The following MIA2 variants were observed in gnomAD, a reference collection of about 807,000 sequenced individuals.
The protein encoded by MIA2 is melanoma inhibitory activity protein 2.
MIA2 carries 127 observed loss-of-function variants against 167.8 expected under a neutral mutation model. That is an observed-to-expected ratio of 0.76 (90% CI 0.66 to 0.88). MIA2 has a LOEUF of 0.88. Among genes scored for constraint, MIA2 ranks in the 40% least tolerant of loss-of-function variants. The probability of loss-of-function intolerance (pLI) is 0.00; values close to 1 mark genes in which losing one functional copy is unlikely to be tolerated. For missense variants in MIA2, 1,690 were observed against 1,624.7 expected (o/e 1.04, Z -0.69); for synonymous variants, 552 against 541.9 (o/e 1.02, Z -0.26).
intron 9 of MIA2, among the ~76,000 whole-genome samples, chr14:39,286,337 C>T (rs986030073): frequency 6.6e-6 from 1 of 151,850 alleles, no homozygotes; most frequent in Admixed American, 6.6e-5. Flanking sequence ...TGCAGGCACT[C>T]GGCAGGCTGA....
At chr14:39,285,400 G>A (rs1186080528) in intron 9 of MIA2, among the ~76,000 whole-genome samples, 2 of 147,094 alleles carry the variant, frequency 1.4e-5, no homozygotes, top group Non-Finnish European at 1.5e-5. Context: ...CTCCCTCCCG[G>A]AAGGGGCGGC....
chr14:39,263,718 G>A (rs776205096), intron 6 of MIA2, among the ~76,000 whole-genome samples: 2 of 149,362 alleles, frequency 1.3e-5, no homozygotes, highest in Admixed American at 6.7e-5. Flanking sequence ...TGCAATCTCG[G>A]CCTCCTGGGT....
chr14:39,367,071 G>A (rs1309852202), intron 23 of MIA2, among the ~76,000 whole-genome samples: 2 of 152,178 alleles, frequency 1.3e-5, no homozygotes, highest in African/African-American at 4.8e-5. Flanking sequence ...GCTGATGGAG[G>A]CAGGGTTTTT....
chr14:39,377,452 G>C (rs566139824), intron 23 of MIA2, among the ~76,000 whole-genome samples: 2 of 152,016 alleles, frequency 1.3e-5, no homozygotes, highest in East Asian at 1.9e-4. Context: ...TGGAAAAAAA[G>C]AAGGAAAAGA....
intron 9 of MIA2, among the ~76,000 whole-genome samples, chr14:39,281,247 T>C (rs764545324): frequency 3.9e-5 from 6 of 152,198 alleles, no homozygotes; most frequent in Admixed American, 1.3e-4. Context: ...TGAAACACTC[T>C]TGATTGTTAC....
At chr14:39,264,765 G>T (rs963223239) in intron 6 of MIA2, among the ~76,000 whole-genome samples, 1 of 152,144 alleles carries the variant, frequency 6.6e-6, no homozygotes, top group Admixed American at 6.6e-5. Context: ...TAATTAAAAG[G>T]GAGTAACTAG....
chr14:39,248,544 T>C (rs2152629588), intron 4 of MIA2, among the ~76,000 whole-genome samples: 1 of 152,094 alleles, frequency 6.6e-6, no homozygotes, highest in Non-Finnish European at 1.5e-5. Flanking sequence ...TTTAAAGCAG[T>C]ATCTTTTTAG....
At position 39,267,439 on chromosome 14, in the gene MIA2, C is replaced by T. The variant is rs1422206900; in HGVS notation, c.1888-9495C>T. The T allele has an allele frequency of 3.1e-6, 5 of 1,611,358 alleles. No homozygotes were observed. The East Asian group carries it at 6.7e-5, about 22-fold the overall frequency. ...GACAGGCCGGGGTTACTGTGGCGACCACGAGAGCAGCTTTGGCGCTATGGA... is the reference window on the plus strand; with the variant it reads ...GACAGGCCGGGGTTACTGTGGCGACTACGAGAGCAGCTTTGGCGCTATGGA... On this transcript the variant is annotated intron_variant, in intron 6 of 28. Coordinates refer to ENST00000640607, the MANE Select transcript of MIA2 (RefSeq NM_001329214.4).
chr14:39,288,909 GGTTT>G lies in MIA2; in HGVS notation c.2131-2097_2131-2094del, dbSNP rs543149467. The stretch of plus-strand genomic sequence containing the variant: ...TGTTCATCAGAGATATTGACCTGTA[GGTTT>G]GTTTGTTTGTTTATTTATTTATTTT... On this transcript the variant is annotated intron_variant, in intron 9 of 28. Coordinates refer to ENST00000640607, the MANE Select transcript of MIA2 (RefSeq NM_001329214.4). Among the ~76,000 whole-genome samples, 56 of 152,192 alleles carry G rather than the reference GGTTT, an allele frequency of 3.7e-4. 1 individual carries two copies. The South Asian group carries it at 4.6e-3, about 12-fold the overall frequency.
chr14:39,289,408 T>C (rs901905654), intron 9 of MIA2, among the ~76,000 whole-genome samples: 1 of 152,002 alleles, frequency 6.6e-6, no homozygotes, highest in African/African-American at 2.4e-5. Flanking sequence ...AGAGACAGAG[T>C]TTCACCATGT....
intron 23 of MIA2, among the ~76,000 whole-genome samples, chr14:39,374,326 T>C (rs948668983): frequency 2.6e-5 from 4 of 152,180 alleles, no homozygotes; most frequent in African/African-American, 9.6e-5. Context: ...TAAGGAAATT[T>C]GAAAGCAACC....
chr14:39,320,952 C>G lies in MIA2; in HGVS notation c.3392C>G (p.Pro1131Arg). ...GREHSPYGPS[P>R]LGWPSSETRA... ...GAGCATTCCCCATATGGTCCCTCAC[C>G]ATTGGGTTGGCCTTCATCTGAAACA... The change falls in exon 24 of 29, where the codon CCA (proline) becomes CGA (arginine). Residue 1131 changes from proline (P) to arginine (R), a missense_variant. Physicochemically the swap from Pro to Arg is moderately radical, Grantham distance 103. Coordinates refer to ENST00000640607, the MANE Select transcript of MIA2 (RefSeq NM_001329214.4). The G allele has an allele frequency of 6.2e-7, 1 of 1,613,596 alleles. No homozygotes were observed.
chr14:39,301,806 A>G (rs1205609493), intron 14 of MIA2, among the ~76,000 whole-genome samples: 6 of 152,148 alleles, frequency 3.9e-5, no homozygotes, highest in Admixed American at 6.5e-5. Flanking sequence ...ATTTACTCTC[A>G]TGTTAATTAG....
At chr14:39,324,315 CCTT>C (rs918447924) in intron 24 of MIA2, among the ~76,000 whole-genome samples, 4 of 152,190 alleles carry the variant, frequency 2.6e-5, no homozygotes, top group African/African-American at 7.2e-5. Flanking sequence ...GCTTTCCCAG[CCTT>C]CTTCTTCTAA....
intron 6 of MIA2, chr14:39,265,213 G>C: frequency 1.7e-6 from 1 of 575,730 alleles, no homozygotes; most frequent in Admixed American, 3.5e-5. Context: ...ATTGGGTTAT[G>C]GGTTGGTAGT....
At chr14:39,353,541 A>G (rs1257385069), downstream of MIA2, among the ~76,000 whole-genome samples, 2 of 152,138 alleles carry the variant, frequency 1.3e-5, no homozygotes, top group Admixed American at 1.3e-4. Context: ...TTATGACTGA[A>G]TAGTATTCCT....
intron 27 of MIA2, among the ~76,000 whole-genome samples, chr14:39,348,492 G>T (rs1047251454): frequency 6.6e-6 from 1 of 151,974 alleles, no homozygotes; most frequent in Non-Finnish European, 1.5e-5. Flanking sequence ...TTAAATTTCT[G>T]TTTTATCTTT....
intron 23 of MIA2, among the ~76,000 whole-genome samples, chr14:39,368,310 T>C (rs1183683879): frequency 6.6e-6 from 1 of 152,180 alleles, no homozygotes; most frequent in Non-Finnish European, 1.5e-5. Context: ...TCTTAGTGCA[T>C]CTCTGAGAAA....
chr14:39,356,945 A>G (rs191125125), intron 23 of MIA2, among the ~76,000 whole-genome samples: 1 of 152,158 alleles, frequency 6.6e-6, no homozygotes, highest in East Asian at 1.9e-4. Flanking sequence ...GTTCTTTTAC[A>G]TTTGCTGAGG....
Sources: gnomAD v4.1 joint callset for allele counts (sites outside exome capture counted in the v4.1 genomes callset) on GRCh38, gnomAD v4.1.1 for gene constraint, MANE v1.5 for transcripts, NCBI Gene and HGNC (gene_info 2026-07-23, HGNC 2026-07-21) for gene names.